Variants in DPP10 observed in about 807,000 individuals in gnomAD.
DPP10 encodes the protein inactive dipeptidyl peptidase 10.
In DPP10, 33 loss-of-function variants were observed where a neutral mutation model predicts 120.9. The ratio of observed to expected loss-of-function variants is 0.27; its 90% confidence interval spans 0.21 to 0.37. The LOEUF (loss-of-function observed/expected upper bound fraction) is 0.37, where lower values mean the gene tolerates loss of function less well. Ranked by LOEUF, DPP10 falls within the 10% of genes least tolerant of loss-of-function variation. The pLI is 1.00. For synonymous variants in DPP10, 337 were observed against 326.1 expected (o/e 1.03, Z -0.36); for missense variants, 816 against 942.8 (o/e 0.87, Z 1.76).
intron 13 of DPP10, among the ~76,000 whole-genome samples, chr2:115,769,900 T>G (rs981799501): frequency 3.3e-5 from 5 of 151,916 alleles, no homozygotes; most frequent in African/African-American, 1.2e-4. Context: ...TATAACTGAT[T>G]ATGACATTTC....
intron 1 of DPP10, among the ~76,000 whole-genome samples, chr2:114,776,330 C>T (rs7574723): frequency 0.091 from 13,796 of 152,104 alleles, 840 homozygotes; most frequent in African/African-American, 0.16. Context: ...GCATTCCATG[C>T]ATCCATGCCT....
At chr2:115,770,554 A>C (rs1331868152) in intron 13 of DPP10, among the ~76,000 whole-genome samples, 1 of 151,846 alleles carries the variant, frequency 6.6e-6, no homozygotes, top group Non-Finnish European at 1.5e-5. Flanking sequence ...AAATTAGTCT[A>C]CTTTGCTAAT....
intron 2 of DPP10, among the ~76,000 whole-genome samples, chr2:115,324,211 G>A (rs1401624527): frequency 1.3e-5 from 2 of 152,170 alleles, no homozygotes; most frequent in African/African-American, 2.4e-5. Context: ...AGGAGGTGGA[G>A]GTTGCAGTGA....
chr2:114,762,556 A>G (rs1680374916), intron 1 of DPP10, among the ~76,000 whole-genome samples: 3 of 152,264 alleles, frequency 2.0e-5, no homozygotes, highest in South Asian at 4.1e-4. Flanking sequence ...AAAAGGAAGC[A>G]GAACACAGAA....
chr2:115,258,459 C>T (rs1312762941), intron 1 of DPP10, among the ~76,000 whole-genome samples: 1 of 145,878 alleles, frequency 6.9e-6, no homozygotes, highest in East Asian at 2.0e-4. Context: ...CTAGCTTACA[C>T]ACTGTAGTAT....
At chr2:114,766,252 C>G (rs758349590) in intron 1 of DPP10, among the ~76,000 whole-genome samples, 13 of 151,976 alleles carry the variant, frequency 8.6e-5, no homozygotes, top group South Asian at 2.1e-4. Context: ...TTACTGCACT[C>G]CCATTTCATC....
chr2:115,216,322 TA>T (rs750427726), intron 1 of DPP10, among the ~76,000 whole-genome samples: 1 of 152,026 alleles, frequency 6.6e-6, no homozygotes, highest in Non-Finnish European at 1.5e-5. Flanking sequence ...AAAATTTAAT[TA>T]AAAAAGTAGG....
At chr2:114,873,228 G>T (rs1237063615) in intron 1 of DPP10, among the ~76,000 whole-genome samples, 3 of 152,096 alleles carry the variant, frequency 2.0e-5, no homozygotes, top group East Asian at 1.9e-4. Context: ...TTTAGGAGAG[G>T]CTGCAGGTCA....
At chr2:114,886,038 A>T (rs570143304) in intron 1 of DPP10, among the ~76,000 whole-genome samples, 2 of 152,166 alleles carry the variant, frequency 1.3e-5, no homozygotes, top group African/African-American at 4.8e-5. Context: ...TGAGACTGTT[A>T]TTTCCATTAT....
chr2:114,975,295 T>C (rs1014650928), intron 1 of DPP10, among the ~76,000 whole-genome samples: 4 of 152,140 alleles, frequency 2.6e-5, no homozygotes, highest in Non-Finnish European at 5.9e-5. Flanking sequence ...CCACTCACCT[T>C]GGCCTCCCAA....
intron 1 of DPP10, among the ~76,000 whole-genome samples, chr2:114,697,018 CTCTT>C (rs1351399141): frequency 6.6e-6 from 1 of 152,024 alleles, no homozygotes; most frequent in Non-Finnish European, 1.5e-5. Context: ...TATTAATTCT[CTCTT>C]TTAATCATGG....
At chr2:115,623,869 G>A (rs2085161947) in intron 5 of DPP10, among the ~76,000 whole-genome samples, 1 of 150,608 alleles carries the variant, frequency 6.6e-6, no homozygotes, top group African/African-American at 2.4e-5. Context: ...AACATTTTCT[G>A]AAAAAAAAAT....
chr2:114,655,881 T>C (rs1055739395), intron 1 of DPP10, among the ~76,000 whole-genome samples: 12 of 152,156 alleles, frequency 7.9e-5, no homozygotes, highest in African/African-American at 2.9e-4. Flanking sequence ...TTTTTGATTC[T>C]GCCGAGAGTG....
chr2:115,788,230 C>T (rs1445581199), intron 17 of DPP10, among the ~76,000 whole-genome samples: 1 of 151,952 alleles, frequency 6.6e-6, no homozygotes, highest in Non-Finnish European at 1.5e-5. Context: ...AATAAAAACA[C>T]AACAGATCCC....
intron 5 of DPP10, among the ~76,000 whole-genome samples, chr2:115,542,791 T>A (rs568869661): frequency 5.5e-4 from 84 of 151,940 alleles, no homozygotes; most frequent in African/African-American, 2.0e-3. Context: ...CTATGGTGAT[T>A]GTATTAGGTG....
rs150395112 is a variant in DPP10, at chr2:114,946,047, G to A, written c.61-363192G>A. 6.9e-4 allele frequency among the ~76,000 whole-genome samples: 105 copies of A among 152,230 alleles called. 2 individuals are homozygous for A. The East Asian group carries it at 0.014, about 20-fold the overall frequency. On this transcript the variant is annotated intron_variant, in intron 1 of 25. Coordinates refer to ENST00000410059, the MANE Select transcript of DPP10 (RefSeq NM_020868.6). ...AATTGTCAAGGCCATCAAAAACAAG[G>A]CGTCTGAAAAACTGTCAGCCAAGAA...
chr2:115,627,892 T>C (rs2085493714), intron 5 of DPP10, among the ~76,000 whole-genome samples: 1 of 152,184 alleles, frequency 6.6e-6, no homozygotes, highest in Non-Finnish European at 1.5e-5. Flanking sequence ...CAATCCATGA[T>C]GTATTTTCTT....
At chr2:115,601,444 A>G (rs1426701752) in intron 5 of DPP10, among the ~76,000 whole-genome samples, 1 of 152,182 alleles carries the variant, frequency 6.6e-6, no homozygotes, top group Non-Finnish European at 1.5e-5. Context: ...TTCACATCAG[A>G]TAATGCCAAG....
intron 1 of DPP10, among the ~76,000 whole-genome samples, chr2:114,617,867 C>T (rs1379356319): frequency 1.3e-5 from 2 of 152,076 alleles, no homozygotes; most frequent in East Asian, 1.9e-4. Flanking sequence ...GTCTCCTTAT[C>T]CTATGAATTA....
Sources: gnomAD v4.1 joint callset for allele counts (sites outside exome capture counted in the v4.1 genomes callset) on GRCh38, gnomAD v4.1.1 for gene constraint, MANE v1.5 for transcripts, NCBI Gene and HGNC (gene_info 2026-07-23, HGNC 2026-07-21) for gene names.